The following SPEF2 variants were observed in gnomAD, a reference collection of about 807,000 sequenced individuals.
SPEF2 encodes sperm flagellar and cilia associated 2.
In SPEF2, 187 loss-of-function variants were observed where a neutral mutation model predicts 224.6. The ratio of observed to expected loss-of-function variants is 0.83; its 90% CI spans 0.74 to 0.94. SPEF2 has a LOEUF of 0.94. Among genes scored for constraint, SPEF2 ranks in the 40% least tolerant of loss-of-function variants. SPEF2 has a pLI of 0.00. For synonymous variants in SPEF2, 715 were observed against 707.3 expected (o/e 1.01, Z -0.17); for missense variants, 2,170 against 2,135.6 (o/e 1.02, Z -0.32).
At chr5:35,736,771 T>G (rs1746678427) in intron 21 of SPEF2, among the ~76,000 whole-genome samples, 1 of 152,170 alleles carries the variant, frequency 6.6e-6, no homozygotes, top group South Asian at 2.1e-4. Flanking sequence ...GGAGAATTGT[T>G]TTGGTGGAGA....
chr5:35,746,686 A>G (rs1483721294), intron 23 of SPEF2, among the ~76,000 whole-genome samples: 1 of 152,168 alleles, frequency 6.6e-6, no homozygotes, highest in Non-Finnish European at 1.5e-5. Flanking sequence ...TAAATGACCA[A>G]ACCGAACAAT....
intron 28 of SPEF2, among the ~76,000 whole-genome samples, chr5:35,774,305 T>C (rs1753296705): frequency 6.6e-6 from 1 of 152,116 alleles, no homozygotes; most frequent in Non-Finnish European, 1.5e-5. Flanking sequence ...GAAAAAGCAA[T>C]AGCAGTAATT....
intron 5 of SPEF2, among the ~76,000 whole-genome samples, chr5:35,647,751 C>T (rs1747600582): frequency 6.6e-6 from 1 of 152,092 alleles, no homozygotes; most frequent in Non-Finnish European, 1.5e-5. Flanking sequence ...CTCGATTCCT[C>T]CTCATCATGC....
chr5:35,634,842 T>C (rs1279625405), intron 2 of SPEF2, among the ~76,000 whole-genome samples: 2 of 152,122 alleles, frequency 1.3e-5, no homozygotes, highest in Admixed American at 6.5e-5. Flanking sequence ...AATATTTGTA[T>C]ATTATTATCA....
intron 4 of SPEF2, among the ~76,000 whole-genome samples, chr5:35,645,589 A>G (rs1747251855): frequency 6.6e-6 from 1 of 152,176 alleles, no homozygotes; most frequent in Non-Finnish European, 1.5e-5. Context: ...TTACATGATA[A>G]AGAGAGAAAG....
chr5:35,680,310 T>G (rs535752958), intron 10 of SPEF2, among the ~76,000 whole-genome samples: 1 of 152,336 alleles, frequency 6.6e-6, no homozygotes, highest in African/African-American at 2.4e-5. Context: ...TTAGCTAATT[T>G]CATTCATGGT....
At chr5:35,627,757 T>G (rs1057372222) in intron 1 of SPEF2, among the ~76,000 whole-genome samples, 1 of 152,186 alleles carries the variant, frequency 6.6e-6, no homozygotes, top group Non-Finnish European at 1.5e-5. Context: ...TTATCTTTGT[T>G]CTAGACATGA....
chr5:35,662,371 G>A (rs1749868661), intron 8 of SPEF2, among the ~76,000 whole-genome samples: 1 of 152,284 alleles, frequency 6.6e-6, no homozygotes, highest in South Asian at 2.1e-4. Context: ...CTCCCATTCT[G>A]TAGGTTGTTG....
chr5:35,693,609 C>T lies in SPEF2; in HGVS notation c.1900-679C>T, dbSNP rs115753267. On this transcript the variant is annotated intron_variant, in intron 12 of 36. Coordinates refer to ENST00000356031, the MANE Select transcript of SPEF2 (RefSeq NM_024867.4). ...ATTCTGCAGAGCACACAGTAAAGAC[C>T]CTAAGCGTGAATTGGTTTGCTTGGA... is the stretch of plus-strand genomic sequence containing the variant. 9.0e-3 allele frequency among the ~76,000 whole-genome samples: 1,365 copies of T among 152,174 alleles called. 17 individuals are homozygous for T. Among genetic ancestry groups the T allele is most frequent in the African/African-American group, 0.032 (1,328 of 41,528 alleles).
At chr5:35,712,923 TCTGCATTTTATAA>T (rs745571361) in intron 20 of SPEF2, 37 bp downstream of exon 20, 4 of 1,568,036 alleles carry the variant, frequency 2.6e-6, no homozygotes, top group Non-Finnish European at 3.5e-6. Flanking sequence ...TACATGTAAT[TCTGCATTTTATAA>T]CTATCTCAGT....
intron 1 of SPEF2, among the ~76,000 whole-genome samples, chr5:35,621,716 A>T (rs1259653386): frequency 2.0e-5 from 3 of 152,202 alleles, no homozygotes; most frequent in Non-Finnish European, 4.4e-5. Flanking sequence ...GCTTGTTGGG[A>T]CAAAGAAACA....
chr5:35,651,208 G>A (rs1437166041), intron 6 of SPEF2, among the ~76,000 whole-genome samples: 1 of 152,238 alleles, frequency 6.6e-6, no homozygotes, highest in Non-Finnish European at 1.5e-5. Context: ...ACCTGACAGA[G>A]TGGGAAGCTG....
At chr5:35,632,539 CACAAAGCTTA>C (rs1407042628) in intron 2 of SPEF2, among the ~76,000 whole-genome samples, 1 of 152,124 alleles carries the variant, frequency 6.6e-6, no homozygotes, top group Non-Finnish European at 1.5e-5. Context: ...TGGGTGGGGA[CACAAAGCTTA>C]ACCATATCAG....
At position 35,740,066 on chromosome 5, in the gene SPEF2, T is replaced by G; in HGVS notation, c.3191+20T>G. On this transcript the variant is annotated intron_variant, in intron 22 of 36. Coordinates refer to ENST00000356031, the MANE Select transcript of SPEF2 (RefSeq NM_024867.4). ...GATTAGGTAAGTAATGTTTCCAAAGTCAGAATTTTACAGTTTAGAGGCATG... is the reference window on the plus strand; with the variant it reads ...GATTAGGTAAGTAATGTTTCCAAAGGCAGAATTTTACAGTTTAGAGGCATG... 2 of 1,614,062 alleles carry G rather than the reference T, an allele frequency of 1.2e-6. No individual in the cohort carries two copies. Among genetic ancestry groups the G allele is most frequent in the Non-Finnish European group, 1.7e-6 (2 of 1,179,988 alleles).
chr5:35,795,830 T>A, intron 33 of SPEF2, 35 bp downstream of exon 33: 5 of 1,519,408 alleles, frequency 3.3e-6, no homozygotes, highest in Non-Finnish European at 4.5e-6. Flanking sequence ...TGTGGCATTA[T>A]AGCACTAATC....
At chr5:35,802,015 CT>C (rs1757489015) in intron 34 of SPEF2, among the ~76,000 whole-genome samples, 1 of 152,210 alleles carries the variant, frequency 6.6e-6, no homozygotes, top group African/African-American at 2.4e-5. Context: ...CAAACTTGCT[CT>C]CCTGAAGGGA....
chr5:35,692,463 C>T lies in SPEF2; in HGVS notation c.1745-107C>T, dbSNP rs1340123553. 10 of 783,040 alleles carry T rather than the reference C, an allele frequency of 1.3e-5. No individual in the cohort carries two copies. The East Asian group carries it at 2.5e-4, about 20-fold the overall frequency. 48.5% of individuals were successfully genotyped at this position (783,040 alleles called of 1,614,324 possible). On this transcript the variant is annotated intron_variant, in intron 11 of 36. Coordinates refer to ENST00000356031, the MANE Select transcript of SPEF2 (RefSeq NM_024867.4). ...AAGAAACTTGATCCAAAAGACTGTT[C>T]TAGCGGGCCTGAAAGACAGTGTTAT...
intron 29 of SPEF2, among the ~76,000 whole-genome samples, chr5:35,778,573 T>C (rs1580702242): frequency 6.6e-6 from 1 of 152,224 alleles, no homozygotes; most frequent in East Asian, 1.9e-4. Context: ...CAATGGATTA[T>C]ATACAACAGA....
At chr5:35,680,961 T>C (rs1326198856) in intron 10 of SPEF2, among the ~76,000 whole-genome samples, 6 of 152,186 alleles carry the variant, frequency 3.9e-5, no homozygotes, top group Admixed American at 2.6e-4. Context: ...AATGGAAACA[T>C]GTAGACAGTG....
Sources: allele counts gnomAD v4.1 joint callset (sites outside exome capture counted in the v4.1 genomes callset), GRCh38; gene constraint gnomAD v4.1.1; transcripts MANE v1.5; gene names NCBI Gene and HGNC (gene_info 2026-07-23, HGNC 2026-07-21).